Variants in ABI3BP observed in about 807,000 individuals in gnomAD.
ABI3BP encodes the protein ABI family member 3 binding protein.
Under a neutral mutation model 268.6 loss-of-function variants are expected in ABI3BP, and 216 were observed. The ratio of observed to expected loss-of-function variants is 0.80; its 90% CI spans 0.72 to 0.90. ABI3BP has a LOEUF of 0.90. Among genes scored for constraint, ABI3BP ranks in the 40% least tolerant of loss-of-function variants. The pLI is 0.00. For synonymous variants in ABI3BP, 730 were observed against 730.0 expected (o/e 1.00, Z 0.00); for missense variants, 2,090 against 2,182.4 (o/e 0.96, Z 0.84).
At chr3:100,930,239 A>C (rs34315591) in intron 1 of ABI3BP, among the ~76,000 whole-genome samples, 15,697 of 152,090 alleles carry the variant, frequency 0.1, 1,099 homozygotes, top group Non-Finnish European at 0.15. Context: ...ATTCAGAAAA[A>C]TAAGACTACT....
intron 2 of ABI3BP, among the ~76,000 whole-genome samples, chr3:100,905,308 G>A (rs1288588461): frequency 6.6e-6 from 1 of 152,074 alleles, no homozygotes; most frequent in Non-Finnish European, 1.5e-5. Flanking sequence ...TATACCTAAT[G>A]CTAAATGACG....
At position 100,752,923 on chromosome 3, in the gene ABI3BP, T is replaced by A; in HGVS notation, c.4986A>T (p.Glu1662Asp). 2 of 1,613,228 alleles carry A rather than the reference T, an allele frequency of 1.2e-6. No homozygotes were observed. Among genetic ancestry groups the A allele is most frequent in the Middle Eastern group, 1.7e-4 (1 of 6,052 alleles). ...VSAGRDAIWT[E>D]RPFNSDSYSE... is the part of the protein sequence containing the mutation. ...AGTAAGAGTCTGAATTAAAGGGTCT[T>A]TCAGTCCAGATGGCATCTCTTCCTG... The change falls in exon 66 of 68, where the codon GAA (glutamate) becomes GAT (aspartate). Residue 1662 changes from glutamate to aspartate, a missense_variant. Glu to Asp is a conservative substitution (Grantham distance 45, BLOSUM62 2). Coordinates refer to ENST00000471714, the MANE Select transcript of ABI3BP (RefSeq NM_001375547.2).
intron 1 of ABI3BP, among the ~76,000 whole-genome samples, chr3:100,937,322 G>A (rs993993039): frequency 6.6e-6 from 1 of 151,936 alleles, no homozygotes; most frequent in Non-Finnish European, 1.5e-5. Flanking sequence ...TCATTCCTAG[G>A]TATTTACTCA....
At position 100,834,770 on chromosome 3, in the gene ABI3BP, G is replaced by A. The variant is rs1304258037; in HGVS notation, c.2195C>T (p.Pro732Leu). ...TGTTCTTGTTCGTTGCGATGTTTTTGGAGCTAAAGAAAGGAAACTGGTTAT... is the reference window on the plus strand; with the variant it reads ...TGTTCTTGTTCGTTGCGATGTTTTTAGAGCTAAAGAAAGGAAACTGGTTAT... ...RTEATVTTLA[P>L]KTSQRTRTRR... The change falls in exon 29 of 68, where the codon CCA becomes CTA. Residue 732 changes from proline (P) to leucine (L), a missense_variant. Physicochemically the swap from Pro to Leu is moderately conservative, Grantham distance 98. Coordinates refer to ENST00000471714, the MANE Select transcript of ABI3BP (RefSeq NM_001375547.2). The A allele has an allele frequency of 6.5e-7, 1 of 1,535,380 alleles. No homozygotes were observed. The highest frequency in any genetic ancestry group is 8.7e-7 in the Non-Finnish European group (1 of 1,146,446).
chr3:100,764,422 T>C (rs2096159065), intron 63 of ABI3BP, among the ~76,000 whole-genome samples: 1 of 152,226 alleles, frequency 6.6e-6, no homozygotes, highest in African/African-American at 2.4e-5. Context: ...AAATGTTTGC[T>C]GAATGGAAAT....
At chr3:100,847,134 A>G (rs1038007704) in intron 19 of ABI3BP, among the ~76,000 whole-genome samples, 6 of 152,180 alleles carry the variant, frequency 3.9e-5, no homozygotes, top group African/African-American at 1.4e-4. Flanking sequence ...CTGTCTACCT[A>G]AACACATTTT....
chr3:100,764,601 G>A (rs897114085), intron 63 of ABI3BP, among the ~76,000 whole-genome samples: 13 of 152,206 alleles, frequency 8.5e-5, no homozygotes, highest in African/African-American at 3.1e-4. Flanking sequence ...TTCAATGACT[G>A]TCTTGTACTT....
chr3:100,987,306 T>A (rs947390963), intron 1 of ABI3BP, among the ~76,000 whole-genome samples: 1 of 152,202 alleles, frequency 6.6e-6, no homozygotes, highest in African/African-American at 2.4e-5. Flanking sequence ...CTATAACATT[T>A]TAACTGTCTT....
intron 6 of ABI3BP, among the ~76,000 whole-genome samples, chr3:100,883,492 A>G (rs1366462272): frequency 6.6e-6 from 1 of 152,160 alleles, no homozygotes; most frequent in Non-Finnish European, 1.5e-5. Flanking sequence ...AAGAACTGCA[A>G]GAGAATGTCA....
chr3:100,863,876 A>G, intron 12 of ABI3BP, 126 bp downstream of exon 12: 1 of 720,360 alleles, frequency 1.4e-6, no homozygotes, highest in Non-Finnish European at 2.3e-6. Flanking sequence ...GGGATCCTAA[A>G]CTTGAAGACT....
In ABI3BP at chr3:100,949,412, T is replaced by C. The variant is rs200911078; in HGVS notation, c.80-22931A>G. On this transcript the variant is annotated intron_variant, in intron 1 of 67. Coordinates refer to ENST00000471714, the MANE Select transcript of ABI3BP (RefSeq NM_001375547.2). ...CTAGGACTACAGGTGTACAACACCA[T>C]GCATGGCTCTTTGTTGTTGTCGTTG... is the stretch of plus-strand genomic sequence containing the variant. 3.3e-5 allele frequency among the ~76,000 whole-genome samples: 5 copies of C among 152,250 alleles called. No homozygotes were observed. In the East Asian group the frequency reaches 7.7e-4, roughly 24 times the overall value.
At chr3:100,911,216 C>T (rs2056310356) in intron 2 of ABI3BP, 1 of 376,586 alleles carries the variant, frequency 2.7e-6, no homozygotes, top group Admixed American at 3.6e-5. Flanking sequence ...GTGTGTTCTA[C>T]CATTAAGGTC....
intron 63 of ABI3BP, among the ~76,000 whole-genome samples, chr3:100,762,063 A>C (rs566601289): frequency 6.6e-6 from 1 of 152,144 alleles, no homozygotes; most frequent in East Asian, 1.9e-4. Flanking sequence ...TTTGATTCCA[A>C]ATTTCCTCCA....
At chr3:100,876,433 A>G in intron 7 of ABI3BP, 79 bp downstream of exon 7, 2 of 1,266,882 alleles carry the variant, frequency 1.6e-6, no homozygotes, top group Non-Finnish European at 2.2e-6. Context: ...AATCGAGAAA[A>G]TATGTGCCGT....
At chr3:100,808,115 C>T in intron 50 of ABI3BP, 46 bp downstream of exon 50, 1 of 1,538,598 alleles carries the variant, frequency 6.5e-7, no homozygotes, top group Non-Finnish European at 8.9e-7. Context: ...AGAATAACCC[C>T]ACTAACCTCA....
At chr3:100,991,692 T>G (rs2092946527) in intron 1 of ABI3BP, among the ~76,000 whole-genome samples, 1 of 152,192 alleles carries the variant, frequency 6.6e-6, no homozygotes, top group Admixed American at 6.5e-5. Flanking sequence ...TTATTATAAT[T>G]TGATGTTTTT....
chr3:100,875,720 T>C (rs1433529650), intron 7 of ABI3BP, 141 bp from the exon 8 acceptor site: 1 of 642,880 alleles, frequency 1.6e-6, no homozygotes, highest in Non-Finnish European at 2.8e-6. Context: ...CCTGGCTATA[T>C]AGCCAACAGA....
rs2098520710 is a variant in ABI3BP, at chr3:100,833,160, G to A, written c.2282-3C>T. 1 of 1,534,008 alleles carries A rather than the reference G, an allele frequency of 6.5e-7. No individual in the cohort carries two copies. Among genetic ancestry groups the A allele is most frequent in the Non-Finnish European group, 8.7e-7 (1 of 1,145,476 alleles). ...CCCAGGAGTAATAGGTCCAAAGTCT[G>A]TAGCAAGAAATGATCAAAAGCAATT... is the stretch of plus-strand genomic sequence containing the variant. On this transcript the variant is annotated splice_polypyrimidine_tract_variant and splice_region_variant and intron_variant, in intron 29 of 67. Coordinates refer to ENST00000471714, the MANE Select transcript of ABI3BP (RefSeq NM_001375547.2).
intron 56 of ABI3BP, among the ~76,000 whole-genome samples, chr3:100,788,414 G>T (rs578241834): frequency 1.3e-5 from 2 of 152,190 alleles, no homozygotes; most frequent in African/African-American, 4.8e-5. Flanking sequence ...AGCACTAAGT[G>T]TACTGTGCTT....
Sources: allele counts gnomAD v4.1 joint callset (sites outside exome capture counted in the v4.1 genomes callset), GRCh38; gene constraint gnomAD v4.1.1; transcripts MANE v1.5; gene names NCBI Gene and HGNC (gene_info 2026-07-23, HGNC 2026-07-21).